The following CPLANE1 variants were observed in gnomAD, a reference collection of about 807,000 sequenced individuals.
CPLANE1 encodes ciliogenesis and planar polarity effector 1.
A neutral mutation model predicts 362.5 loss-of-function variants in CPLANE1; 263 were observed. The observed-to-expected ratio is 0.73, with a 90% CI of 0.66 to 0.80. The LOEUF is 0.80. Among genes scored for constraint, CPLANE1 ranks in the 30% least tolerant of loss-of-function variants. The probability of loss-of-function intolerance (pLI) is 0.00; values close to 1 mark genes in which losing one functional copy is unlikely to be tolerated. For synonymous variants in CPLANE1, 1,212 were observed against 1,302.6 expected (o/e 0.93, Z 1.50); for missense variants, 3,461 against 3,793.4 (o/e 0.91, Z 2.30).
intron 46 of CPLANE1, among the ~76,000 whole-genome samples, chr5:37,136,614 C>G (rs952634549): frequency 1.3e-5 from 2 of 152,232 alleles, no homozygotes; most frequent in Non-Finnish European, 2.9e-5. Context: ...TCCCACACTG[C>G]CCTAGCAGAG....
rs1049456217 is a variant in CPLANE1 at position 37,210,237 on chromosome 5, G to T, written c.2920+3322C>A. The stretch of plus-strand genomic sequence containing the variant: ...TGCTCAAAGGCAACTTTTACTAAAA[G>T]ATATGGATTTGCTAAGAGGAAGAGA... On this transcript the variant is annotated intron_variant, in intron 16 of 52. Transcript: ENST00000651892. 1.5e-5 allele frequency: 24 copies of T among 1,604,488 alleles called. No homozygotes were observed. In the African/African-American group the frequency reaches 2.3e-4, roughly 15 times the overall value.
intron 41 of CPLANE1, among the ~76,000 whole-genome samples, chr5:37,155,600 C>G (rs561528680): frequency 6.6e-6 from 1 of 152,314 alleles, no homozygotes; most frequent in South Asian, 2.1e-4. Flanking sequence ...GTGTCAAACT[C>G]CTGAGCTCAA....
At chr5:37,193,713 A>G (rs1340516987) in intron 21 of CPLANE1, among the ~76,000 whole-genome samples, 3 of 152,088 alleles carry the variant, frequency 2.0e-5, no homozygotes, top group Non-Finnish European at 4.4e-5. Flanking sequence ...GTAACAAACT[A>G]GGGAAAGGAA....
intron 7 of CPLANE1, among the ~76,000 whole-genome samples, chr5:37,239,450 G>A (rs1306137779): frequency 6.6e-6 from 1 of 151,832 alleles, no homozygotes; most frequent in African/African-American, 2.4e-5. Flanking sequence ...AGGCACGGTG[G>A]TATAAGCCTA....
At chr5:37,098,923 C>CAAA in the CPLANE1 span, among the ~76,000 whole-genome samples, 189 of 51,536 alleles carry the variant, frequency 3.7e-3, no homozygotes, top group African/African-American at 5.7e-3. Flanking sequence ...ATGCCTACAT[C>CAAA]AAAAAAAAAA....
chr5:37,139,309 A>T, intron 45 of CPLANE1, 31 bp downstream of exon 45: 5 of 1,381,076 alleles, frequency 3.6e-6, no homozygotes, highest in Non-Finnish European at 4.9e-6. Context: ...AACTTTAAAG[A>T]AAATTGTGAA....
chr5:37,076,583 A>G, the CPLANE1 span, among the ~76,000 whole-genome samples: 1 of 152,082 alleles, frequency 6.6e-6, no homozygotes, highest in Non-Finnish European at 1.5e-5. Context: ...AAGTGCTGGA[A>G]TTACAGGCAT....
chr5:37,244,295 T>C, intron 5 of CPLANE1, 80 bp downstream of exon 5: 2 of 767,880 alleles, frequency 2.6e-6, no homozygotes. Flanking sequence ...TGAAAATTTA[T>C]GGTGACTAAA....
intron 46 of CPLANE1, among the ~76,000 whole-genome samples, chr5:37,129,489 C>T (rs1765160371): frequency 6.6e-6 from 1 of 152,062 alleles, no homozygotes; most frequent in Admixed American, 6.6e-5. Flanking sequence ...AAAATCTTCA[C>T]AATCTATACA....
At position 37,182,950 on chromosome 5, in the gene CPLANE1, C is replaced by A. The variant is rs757297839; in HGVS notation, c.5231G>T (p.Gly1744Val). 8.7e-6 allele frequency: 14 copies of A among 1,605,690 alleles called. No individual in the cohort carries two copies. In the East Asian group the frequency reaches 3.1e-4, roughly 36 times the overall value. Residue 1744 changes from glycine (G) to valine (V), a missense_variant, in exon 26 of 53, where the codon GGA becomes GTA. Around this residue, in one of 2 missense-constraint regions of CPLANE1, gnomAD observed 3,380 missense variants for 3,666.1 expected, o/e 0.92. Coordinates refer to ENST00000651892, the MANE Select transcript of CPLANE1 (RefSeq NM_001384732.1). The part of the protein sequence containing the change: ...PLALNTFGSI[G>V]RLLEWMIRWS... ...CCTTATCATCCATTCCAGCAGTCTT[C>A]CTATACTGCCAAAAGTGTTTAGTGC...
At chr5:37,122,762 A>G (rs555180950) in intron 47 of CPLANE1, among the ~76,000 whole-genome samples, 22 of 152,160 alleles carry the variant, frequency 1.4e-4, no homozygotes, top group Non-Finnish European at 3.1e-4. Flanking sequence ...AAAAATACAA[A>G]AATTAGCTGG....
intron 4 of CPLANE1, 144 bp from the exon 5 acceptor site, chr5:37,244,751 T>C: frequency 3.2e-6 from 2 of 621,170 alleles, no homozygotes; most frequent in Non-Finnish European, 5.5e-6. Flanking sequence ...TAGCAAAAAA[T>C]ACAATCCAGG....
At chr5:37,091,409 A>G in the CPLANE1 span, among the ~76,000 whole-genome samples, 2 of 152,180 alleles carry the variant, frequency 1.3e-5, no homozygotes, top group Non-Finnish European at 2.9e-5. Context: ...CCAGCTCACA[A>G]TTTCAACAAT....
At chr5:37,129,254 T>A (rs1465554932) in intron 46 of CPLANE1, among the ~76,000 whole-genome samples, 2 of 152,084 alleles carry the variant, frequency 1.3e-5, no homozygotes, top group Non-Finnish European at 2.9e-5. Context: ...AAAAATCAAC[T>A]CAAGATGTAT....
At chr5:37,114,933 A>G (rs1579811685) in intron 51 of CPLANE1, 27 bp downstream of exon 51, 2 of 1,414,914 alleles carry the variant, frequency 1.4e-6, no homozygotes, top group East Asian at 4.5e-5. Flanking sequence ...TATTAAGTCT[A>G]AAAACTTTAT....
At chr5:37,158,072 A>T in intron 39 of CPLANE1, 152 bp downstream of exon 39, 8 of 935,988 alleles carry the variant, frequency 8.5e-6, no homozygotes, top group Non-Finnish European at 1.3e-5. Flanking sequence ...TATTTTTGGC[A>T]TAATGCTTAA....
chr5:37,135,534 C>T (rs1767428447), intron 46 of CPLANE1, among the ~76,000 whole-genome samples: 1 of 151,976 alleles, frequency 6.6e-6, no homozygotes, highest in South Asian at 2.1e-4. Flanking sequence ...GGGGAAGTCC[C>T]TTATAAAACC....
At chr5:37,176,264 G>C (rs912760577) in intron 30 of CPLANE1, among the ~76,000 whole-genome samples, 1 of 152,116 alleles carries the variant, frequency 6.6e-6, no homozygotes, top group African/African-American at 2.4e-5. Flanking sequence ...GGGGACATGA[G>C]GTTAGTTAAG....
rs1306144067 is a variant in CPLANE1, at chr5:37,217,116, T to C, written c.2747-3384A>G. Among the ~76,000 whole-genome samples the C allele has an allele frequency of 1.3e-5, 2 of 152,228 alleles. 1 individual carries two copies. Among genetic ancestry groups the C allele is most frequent in the Non-Finnish European group, 2.9e-5 (2 of 68,038 alleles). On this transcript the variant is annotated intron_variant, in intron 15 of 52. Coordinates refer to ENST00000651892, the MANE Select transcript of CPLANE1 (RefSeq NM_001384732.1). ...TATTTCTTCACATTCGAGTTAGAGA[T>C]ACCTGGGTAAAAATTTTTTTCTCCT...
Sources: gnomAD v4.1 joint callset for allele counts (sites outside exome capture counted in the v4.1 genomes callset) on GRCh38, gnomAD v4.1.1 for gene constraint, gnomAD v4.1.1 regional missense constraint, MANE v1.5 for transcripts, NCBI Gene and HGNC (gene_info 2026-07-23, HGNC 2026-07-21) for gene names.